CDH8: variants seen among roughly 807,000 people sequenced by gnomAD.
CDH8 encodes the protein cadherin 8.
CDH8 carries 17 observed loss-of-function variants against 68.1 expected under a neutral mutation model. The observed-to-expected ratio is 0.25, with a 90% CI of 0.17 to 0.37. The LOEUF (loss-of-function observed/expected upper bound fraction) is 0.37, where lower values mean the gene tolerates loss of function less well. Among genes scored for constraint, CDH8 ranks in the 10% least tolerant of loss-of-function variants. The pLI, the probability that CDH8 is intolerant of heterozygous loss-of-function variation, is 1.00. For missense variants in CDH8, 763 were observed against 999.3 expected (o/e 0.76, Z 3.19); for synonymous variants, 372 against 365.1 (o/e 1.02, Z -0.21).
chr16:61,778,631 T>C (rs528758820), intron 8 of CDH8, among the ~76,000 whole-genome samples: 30 of 152,270 alleles, frequency 2.0e-4, no homozygotes, highest in African/African-American at 7.2e-4. Context: ...AGATTGTAGG[T>C]AAATTACTTG....
At chr16:61,987,278 T>G (rs937858160) in intron 2 of CDH8, among the ~76,000 whole-genome samples, 2 of 152,104 alleles carry the variant, frequency 1.3e-5, no homozygotes, top group Non-Finnish European at 2.9e-5. Context: ...CCAAGGTGGA[T>G]GGATCACTTG....
At chr16:61,844,184 AC>A (rs896731302) in intron 4 of CDH8, among the ~76,000 whole-genome samples, 1 of 150,144 alleles carries the variant, frequency 6.7e-6, no homozygotes, top group African/African-American at 2.4e-5. Context: ...GGACAAAAAA[AC>A]AAACACTGCA....
At chr16:61,931,649 G>C (rs2143481834) in intron 2 of CDH8, among the ~76,000 whole-genome samples, 1 of 152,166 alleles carries the variant, frequency 6.6e-6, no homozygotes, top group Admixed American at 6.5e-5. Flanking sequence ...TGTCATTTGG[G>C]CCCCTCAGAA....
At chr16:62,031,748 T>C (rs1024541970) in intron 1 of CDH8, among the ~76,000 whole-genome samples, 3 of 149,714 alleles carry the variant, frequency 2.0e-5, no homozygotes, top group Non-Finnish European at 3.0e-5. Flanking sequence ...AAATAGCACA[T>C]GACATTTAAA....
chr16:61,921,171 G>C (rs950242821), intron 2 of CDH8, among the ~76,000 whole-genome samples: 7 of 150,320 alleles, frequency 4.7e-5, no homozygotes, highest in African/African-American at 1.7e-4. Flanking sequence ...GAGTTGGTGG[G>C]TGCACCGCAC....
At chr16:61,905,637 A>T (rs1964048531) in intron 2 of CDH8, among the ~76,000 whole-genome samples, 1 of 152,150 alleles carries the variant, frequency 6.6e-6, no homozygotes, top group African/African-American at 2.4e-5. Context: ...TTAATGGCAC[A>T]AATTTTGGAG....
intron 10 of CDH8, among the ~76,000 whole-genome samples, chr16:61,674,764 A>G (rs1056520436): frequency 6.6e-6 from 1 of 152,062 alleles, no homozygotes; most frequent in Admixed American, 6.6e-5. Flanking sequence ...AATAAGAGAA[A>G]TGGAAGATTA....
At chr16:61,687,413 G>C (rs567215437) in intron 10 of CDH8, among the ~76,000 whole-genome samples, 6 of 152,066 alleles carry the variant, frequency 3.9e-5, no homozygotes, top group Non-Finnish European at 7.4e-5. Context: ...GGCTCAGATA[G>C]TCTAACTACT....
intron 10 of CDH8, among the ~76,000 whole-genome samples, chr16:61,680,794 C>T (rs757396804): frequency 5.3e-5 from 8 of 151,786 alleles, no homozygotes; most frequent in Non-Finnish European, 1.0e-4. Flanking sequence ...TGCTTATTAT[C>T]CTTTGTAGAT....
At chr16:61,670,870 T>A (rs1963777484) in intron 10 of CDH8, among the ~76,000 whole-genome samples, 1 of 152,060 alleles carries the variant, frequency 6.6e-6, no homozygotes, top group South Asian at 2.1e-4. Context: ...GGAGCAAGGC[T>A]GCATGAGATT....
intron 2 of CDH8, among the ~76,000 whole-genome samples, chr16:61,969,179 C>T (rs1965300363): frequency 1.3e-5 from 2 of 152,216 alleles, no homozygotes; most frequent in Non-Finnish European, 2.9e-5. Context: ...ATCTGAATGA[C>T]TCAAAACAAA....
intron 10 of CDH8, among the ~76,000 whole-genome samples, chr16:61,673,253 C>T (rs1444052901): frequency 2.6e-5 from 4 of 151,986 alleles, no homozygotes; most frequent in African/African-American, 9.7e-5. Flanking sequence ...TGTATTGAGG[C>T]CTCTCCTTTT....
chr16:61,964,716 C>T (rs1965217509), intron 2 of CDH8, among the ~76,000 whole-genome samples: 1 of 152,092 alleles, frequency 6.6e-6, no homozygotes. Context: ...TGGTGCTGTC[C>T]CTCTCTACAG....
chr16:61,930,155 T>G (rs1964518384), intron 2 of CDH8, among the ~76,000 whole-genome samples: 1 of 151,956 alleles, frequency 6.6e-6, no homozygotes, highest in African/African-American at 2.4e-5. Context: ...TATTATCCAG[T>G]GCCAAGAGTA....
intron 1 of CDH8, among the ~76,000 whole-genome samples, chr16:62,029,423 A>T (rs1398620051): frequency 6.6e-6 from 1 of 152,204 alleles, no homozygotes. Context: ...GGTATAAATA[A>T]AATAGCATTT....
chr16:61,791,718 A>C (rs1457710123), intron 7 of CDH8, among the ~76,000 whole-genome samples: 6 of 152,042 alleles, frequency 3.9e-5, no homozygotes, highest in Non-Finnish European at 8.8e-5. Flanking sequence ...TAGAATTTCT[A>C]GCCCCAAAGA....
chr16:61,819,684 C>T (rs1962165453), intron 6 of CDH8, among the ~76,000 whole-genome samples: 1 of 151,968 alleles, frequency 6.6e-6, no homozygotes, highest in African/African-American at 2.4e-5. Flanking sequence ...AAGATCTCTT[C>T]AGTGGGGGCG....
chr16:61,710,715 C>T (rs985774029), intron 10 of CDH8: 2 of 152,026 alleles, frequency 1.3e-5, no homozygotes, highest in African/African-American at 4.8e-5. Context: ...GCTCCCATTT[C>T]ACCAGACGGT....
At chr16:61,735,114 G>C (rs1362049140) in intron 8 of CDH8, among the ~76,000 whole-genome samples, 1 of 151,756 alleles carries the variant, frequency 6.6e-6, no homozygotes, top group African/African-American at 2.4e-5. Flanking sequence ...TTCTAATAAG[G>C]ACACTTGTCA....
Sources: allele counts gnomAD v4.1 joint callset (sites outside exome capture counted in the v4.1 genomes callset), GRCh38; gene constraint gnomAD v4.1.1; transcripts MANE v1.5; gene names NCBI Gene and HGNC (gene_info 2026-07-23, HGNC 2026-07-21).